CNIH3: variants seen among roughly 807,000 people sequenced by gnomAD.
CNIH3 encodes cornichon family AMPA receptor auxiliary protein 3, also known as protein cornichon homolog 3.
CNIH3 carries 14 observed loss-of-function variants against 24.1 expected under a neutral mutation model. That is an observed-to-expected ratio of 0.58 (90% CI 0.38 to 0.91). The LOEUF is 0.91. CNIH3 is among the 40% of genes least tolerant of loss of function. The probability of loss-of-function intolerance (pLI) is 0.00; values close to 1 mark genes in which losing one functional copy is unlikely to be tolerated. For synonymous variants in CNIH3, 68 were observed against 73.8 expected, an observed-to-expected ratio of 0.92 and a Z score of 0.40; for missense variants, 178 against 196.8, an observed-to-expected ratio of 0.90 and a Z score of 0.57.
At chr1:224,501,861 G>T (rs1311981754) in intron 1 of CNIH3, among the ~76,000 whole-genome samples, 1 of 146,922 alleles carries the variant, frequency 6.8e-6, no homozygotes, top group Non-Finnish European at 1.5e-5. Flanking sequence ...GATTACAGGC[G>T]TGAGCCACTG....
At chr1:224,689,537 TG>T (rs1484352122) in intron 3 of CNIH3, among the ~76,000 whole-genome samples, 2 of 152,214 alleles carry the variant, frequency 1.3e-5, no homozygotes, top group African/African-American at 4.8e-5. Context: ...TCGTTTTGAA[TG>T]GGCTTCTGAG....
Position 224,740,323 on chromosome 1 carries a change from T to TA in CNIH3, c.*968dup, listed in dbSNP as rs1254834254. On this transcript the variant is annotated 3_prime_UTR_variant, in exon 6 of 6. Transcript: ENST00000272133. ...TTGGCATTCTCTTTTGGGTGGGAGT[T>TA]ATGCTGGGGGTTGTAAATAATGACA... 1.3e-5 allele frequency: 2 copies of TA among 152,210 alleles called. No homozygotes were observed. The highest frequency in any genetic ancestry group is 2.9e-5 in the Non-Finnish European group (2 of 68,050). The allele number at this position is 152,210 out of a possible 1,614,324, so 9.4% of individuals were successfully genotyped here.
At chr1:224,540,429 CA>C (rs1377329239), downstream of CNIH3, among the ~76,000 whole-genome samples, 3 of 152,136 alleles carry the variant, frequency 2.0e-5, no homozygotes, top group African/African-American at 7.2e-5. Context: ...TTAAATGGGA[CA>C]TTTTTAGACT....
At chr1:224,581,831 C>T (rs990204531) in intron 4 of CNIH3, among the ~76,000 whole-genome samples, 13 of 152,234 alleles carry the variant, frequency 8.5e-5, no homozygotes, top group African/African-American at 3.1e-4. Flanking sequence ...CACTTATAAA[C>T]CTAGACTTTG....
chr1:224,638,557 CCA>C (rs1323194897), intron 1 of CNIH3, among the ~76,000 whole-genome samples: 2 of 152,154 alleles, frequency 1.3e-5, no homozygotes, highest in African/African-American at 4.8e-5. Flanking sequence ...ATTCTGGGCC[CCA>C]GTTTCCTGCT....
intron 3 of CNIH3, among the ~76,000 whole-genome samples, chr1:224,607,008 C>T (rs1682456303): frequency 6.6e-6 from 1 of 152,168 alleles, no homozygotes; most frequent in Admixed American, 6.5e-5. Flanking sequence ...GTGATTTAGC[C>T]AGCACACACA....
At chr1:224,716,969 G>A (rs1020170134) in intron 3 of CNIH3, among the ~76,000 whole-genome samples, 3 of 152,202 alleles carry the variant, frequency 2.0e-5, no homozygotes, top group Non-Finnish European at 4.4e-5. Context: ...ATCAGGAGCT[G>A]CAGAGGGTTC....
chr1:224,468,632 A>G (rs974413443), intron 1 of CNIH3, among the ~76,000 whole-genome samples: 2 of 152,158 alleles, frequency 1.3e-5, no homozygotes, highest in South Asian at 2.1e-4. Flanking sequence ...ATCTGTCTGC[A>G]TTTATTGTTT....
chr1:224,476,792 GA>G (rs929886459), intron 1 of CNIH3, among the ~76,000 whole-genome samples: 11 of 150,970 alleles, frequency 7.3e-5, no homozygotes, highest in African/African-American at 2.2e-4. Flanking sequence ...CACAGAAATA[GA>G]AAAAAAAATC....
At chr1:224,481,137 G>T (rs1481175507) in intron 1 of CNIH3, among the ~76,000 whole-genome samples, 1 of 152,178 alleles carries the variant, frequency 6.6e-6, no homozygotes, top group Non-Finnish European at 1.5e-5. Context: ...AAGAGCTTGT[G>T]GGGGAAAACT....
Position 224,617,144 on chromosome 1 carries a change from G to A in CNIH3, c.-31G>A. ...GCATCGGGCTCCTAGGGGCTTCTTG[G>A]CGTGTGTGGTGGGATTGGGGTCCGC... On this transcript the variant is annotated 5_prime_UTR_variant, in exon 1 of 6. Coordinates refer to ENST00000272133, the MANE Select transcript of CNIH3 (RefSeq NM_152495.2). 3 of 1,611,886 alleles carry A rather than the reference G, an allele frequency of 1.9e-6. No homozygotes were observed. Among genetic ancestry groups the A allele is most frequent in the Non-Finnish European group, 2.5e-6 (3 of 1,178,978 alleles).
chr1:224,698,214 A>G lies in CNIH3; in HGVS notation c.198+13371A>G, dbSNP rs57717792. On this transcript the variant is annotated intron_variant, in intron 3 of 5. Coordinates refer to ENST00000272133, the MANE Select transcript of CNIH3 (RefSeq NM_152495.2). ...ACAAGAAAATGCACTGAATAAGTTA[A>G]ATGTGCTATACAAATGCAAAGTGCC... 4.6e-3 allele frequency among the ~76,000 whole-genome samples: 705 copies of G among 152,356 alleles called. 2 individuals are homozygous for G. The highest frequency in any genetic ancestry group is 0.015 in the African/African-American group (629 of 41,576).
At chr1:224,717,425 A>G (rs1368202469) in intron 3 of CNIH3, 1 of 152,202 alleles carries the variant, frequency 6.6e-6, no homozygotes, top group Non-Finnish European at 1.5e-5. Flanking sequence ...CCACCTCCTA[A>G]TGCCATCACA....
downstream of CNIH3, among the ~76,000 whole-genome samples, chr1:224,590,317 G>A (rs1329241195): frequency 3.9e-5 from 6 of 152,174 alleles, no homozygotes; most frequent in African/African-American, 1.4e-4. Flanking sequence ...GTTCCTTTGG[G>A]TTGTTTTGCC....
intron 4 of CNIH3, among the ~76,000 whole-genome samples, chr1:224,574,169 A>G (rs1173943701): frequency 6.6e-6 from 1 of 152,134 alleles, no homozygotes; most frequent in Non-Finnish European, 1.5e-5. Context: ...CTACCTATCC[A>G]TAGTTGGGAA....
chr1:224,587,439 C>CA (rs1347582303), intron 5 of CNIH3: 1 of 152,222 alleles, frequency 6.6e-6, no homozygotes, highest in Non-Finnish European at 1.5e-5. Context: ...TTTCTGCCTG[C>CA]ACAGAGATAC....
intron 1 of CNIH3, among the ~76,000 whole-genome samples, chr1:224,443,959 A>T (rs1219058517): frequency 6.6e-6 from 1 of 152,136 alleles, no homozygotes; most frequent in Non-Finnish European, 1.5e-5. Flanking sequence ...AACAGTATAA[A>T]ACCTTGGATT....
chr1:224,692,878 T>C (rs1350466940), intron 3 of CNIH3, among the ~76,000 whole-genome samples: 1 of 152,158 alleles, frequency 6.6e-6, no homozygotes, highest in Admixed American at 6.5e-5. Context: ...GTAACATGGC[T>C]CAGCTGTTTT....
chr1:224,590,559 G>A (rs1366226735), downstream of CNIH3, among the ~76,000 whole-genome samples: 1 of 152,180 alleles, frequency 6.6e-6, no homozygotes, highest in Non-Finnish European at 1.5e-5. Flanking sequence ...CCTTCTTGCT[G>A]TATCATCACA....
Sources: gnomAD v4.1 joint callset for allele counts (sites outside exome capture counted in the v4.1 genomes callset) on GRCh38, gnomAD v4.1.1 for gene constraint, MANE v1.5 for transcripts, NCBI Gene and HGNC (gene_info 2026-07-23, HGNC 2026-07-21) for gene names.